NDST4: variants seen among roughly 807,000 people sequenced by gnomAD.
NDST4 encodes N-heparan sulfate sulfotransferase 4.
A neutral mutation model predicts 100.8 loss-of-function variants in NDST4; 63 were observed. The observed-to-expected ratio is 0.62, with a 90% CI of 0.51 to 0.77. The LOEUF (loss-of-function observed/expected upper bound fraction) is 0.77. NDST4 is among the 30% of genes least tolerant of loss of function. The pLI is 0.00. For synonymous variants in NDST4, 377 were observed against 361.8 expected (o/e 1.04, Z -0.48); for missense variants, 943 against 1,018.4 (o/e 0.93, Z 1.01).
At chr4:114,938,867 G>A (rs1010433516) in intron 4 of NDST4, among the ~76,000 whole-genome samples, 6 of 152,166 alleles carry the variant, frequency 3.9e-5, no homozygotes, top group Admixed American at 3.9e-4. Flanking sequence ...TACAGTAAAT[G>A]ACTCTGTAGA....
At chr4:114,876,952 T>C (rs903689293) in intron 6 of NDST4, among the ~76,000 whole-genome samples, 1 of 152,204 alleles carries the variant, frequency 6.6e-6, no homozygotes, top group Non-Finnish European at 1.5e-5. Context: ...TTCAGGTGAC[T>C]GTCTGAGTTT....
chr4:115,105,067 G>A (rs1237236773), intron 1 of NDST4, among the ~76,000 whole-genome samples: 1 of 152,132 alleles, frequency 6.6e-6, no homozygotes, highest in African/African-American at 2.4e-5. Context: ...GTTATATCAT[G>A]AGTCAGGGCA....
intron 7 of NDST4, among the ~76,000 whole-genome samples, chr4:114,865,397 G>T (rs1162626956): frequency 6.6e-6 from 1 of 152,048 alleles, no homozygotes; most frequent in African/African-American, 2.4e-5. Flanking sequence ...GTGTACTTTT[G>T]AACATAGTCC....
intron 4 of NDST4, among the ~76,000 whole-genome samples, chr4:114,938,385 G>T (rs1413748059): frequency 6.6e-6 from 1 of 152,116 alleles, no homozygotes; most frequent in Non-Finnish European, 1.5e-5. Flanking sequence ...ATTTAAACAA[G>T]AATATAAAAA....
Position 114,936,231 on chromosome 4 carries a change from A to G in NDST4, c.1408-897T>C, listed in dbSNP as rs141569104. On this transcript the variant is annotated intron_variant, in intron 5 of 13. Coordinates refer to ENST00000264363, the MANE Select transcript of NDST4 (RefSeq NM_022569.3). ...GATTTGAAATTATGTGAGTAATTCT[A>G]TTTATACCTTCTGGATTTCTATGGC... Among the ~76,000 whole-genome samples, 162 of 152,262 alleles carry G rather than the reference A, an allele frequency of 1.1e-3. 1 individual carries two copies. Among genetic ancestry groups the G allele is most frequent in the African/African-American group, 3.8e-3 (158 of 41,556 alleles).
chr4:114,976,898 A>G (rs543479797), intron 3 of NDST4, among the ~76,000 whole-genome samples: 1 of 152,066 alleles, frequency 6.6e-6, no homozygotes, highest in South Asian at 2.1e-4. Context: ...CCTTCTACCC[A>G]TACTGTGCTG....
intron 2 of NDST4, among the ~76,000 whole-genome samples, chr4:115,003,688 A>G (rs1055552490): frequency 6.6e-6 from 1 of 152,012 alleles, no homozygotes; most frequent in Non-Finnish European, 1.5e-5. Flanking sequence ...CAATATAGTG[A>G]AACTCCATCT....
chr4:114,935,477 G>T (rs999751912), intron 5 of NDST4, 143 bp from the exon 6 acceptor site: 1 of 650,368 alleles, frequency 1.5e-6, no homozygotes, highest in Non-Finnish European at 2.3e-6. Context: ...ATAATCACAA[G>T]TTGATGTTGG....
At chr4:114,983,230 T>C (rs1327247853) in intron 2 of NDST4, among the ~76,000 whole-genome samples, 1 of 152,158 alleles carries the variant, frequency 6.6e-6, no homozygotes, top group Non-Finnish European at 1.5e-5. Flanking sequence ...AGGGAGACCA[T>C]CCGCCAGACC....
chr4:115,026,325 T>C (rs1488047620), intron 2 of NDST4, among the ~76,000 whole-genome samples: 2 of 152,066 alleles, frequency 1.3e-5, no homozygotes, highest in Non-Finnish European at 2.9e-5. Flanking sequence ...TAAGTATATT[T>C]GAACTATGAT....
At chr4:114,843,704 C>T (rs2126185087) in intron 10 of NDST4, among the ~76,000 whole-genome samples, 1 of 152,266 alleles carries the variant, frequency 6.6e-6, no homozygotes, top group South Asian at 2.1e-4. Context: ...ACTCCCTTCC[C>T]TTCGAATCAG....
At chr4:114,897,252 T>C (rs1371391470) in intron 6 of NDST4, among the ~76,000 whole-genome samples, 2 of 152,168 alleles carry the variant, frequency 1.3e-5, no homozygotes, top group African/African-American at 4.8e-5. Flanking sequence ...ATCTTCCCTC[T>C]AACCCCTGGC....
intron 4 of NDST4, among the ~76,000 whole-genome samples, chr4:114,944,407 G>A (rs186844075): frequency 6.7e-4 from 102 of 151,890 alleles, no homozygotes; most frequent in Middle Eastern, 3.4e-3. Flanking sequence ...ATCTTTTTTC[G>A]CCTCTTCCCC....
chr4:115,000,786 T>G (rs1358600021), intron 2 of NDST4, among the ~76,000 whole-genome samples: 11 of 152,110 alleles, frequency 7.2e-5, no homozygotes, highest in Admixed American at 7.2e-4. Flanking sequence ...GTCCATTTGG[T>G]CGGCTATAAC....
At chr4:115,057,687 G>T (rs1728725358) in intron 2 of NDST4, among the ~76,000 whole-genome samples, 1 of 149,020 alleles carries the variant, frequency 6.7e-6, no homozygotes, top group Admixed American at 6.8e-5. Context: ...TTTCCACTTA[G>T]CTATGCGTGC....
At chr4:114,915,749 T>C (rs545513209) in intron 6 of NDST4, among the ~76,000 whole-genome samples, 1 of 152,186 alleles carries the variant, frequency 6.6e-6, no homozygotes, top group Admixed American at 6.5e-5. Flanking sequence ...TTACTACATA[T>C]TTTATTATAG....
intron 1 of NDST4, among the ~76,000 whole-genome samples, chr4:115,081,256 A>C (rs1350525699): frequency 6.6e-6 from 1 of 152,168 alleles, no homozygotes; most frequent in South Asian, 2.1e-4. Context: ...TAGGTGTTTT[A>C]ACTAAAGGAG....
intron 4 of NDST4, among the ~76,000 whole-genome samples, chr4:114,951,733 C>G (rs1186602050): frequency 6.6e-6 from 1 of 152,032 alleles, no homozygotes; most frequent in African/African-American, 2.4e-5. Flanking sequence ...GAATTTGATC[C>G]AAGATTGGTC....
chr4:114,845,893 G>T lies in NDST4; in HGVS notation c.2045C>A (p.Ser682Tyr). 6.2e-7 allele frequency: 1 copy of T among 1,614,114 alleles called. No homozygotes were observed. Among genetic ancestry groups the T allele is most frequent in the Non-Finnish European group, 8.5e-7 (1 of 1,179,970 alleles). ...GATGATCTTGGCTTTGGGGACAAGA[G>T]ATGCGGCTCGTCTTGGAGCTTCTTC... The part of the protein sequence containing the change: ...HSEEAPRRAA[S>Y]LVPKAKIITI... Residue 682 changes from serine (S) to tyrosine (Y), a missense_variant, in exon 10 of 14, where the codon TCT (serine) becomes TAT (tyrosine). Around this residue, in one of 2 missense-constraint regions of NDST4, gnomAD observed 526 missense variants for 634.1 expected, o/e 0.83. Coordinates refer to ENST00000264363, the MANE Select transcript of NDST4 (RefSeq NM_022569.3).
Sources: gnomAD v4.1 joint callset for allele counts (sites outside exome capture counted in the v4.1 genomes callset) on GRCh38, gnomAD v4.1.1 for gene constraint, gnomAD v4.1.1 regional missense constraint, MANE v1.5 for transcripts, NCBI Gene and HGNC (gene_info 2026-07-23, HGNC 2026-07-21) for gene names.